The following ZNF599 variants were observed in gnomAD, a reference collection of about 807,000 sequenced individuals.
The protein encoded by ZNF599 is zinc finger protein 599.
Under a neutral mutation model 11.7 loss-of-function variants are expected in ZNF599, and 10 were observed. That is an observed-to-expected ratio of 0.86 (90% CI 0.53 to 1.45). ZNF599 has a LOEUF of 1.45. ZNF599 is among the 40% of genes most tolerant of loss of function. ZNF599 has a pLI of 0.00. For missense variants in ZNF599, 688 were observed against 713.6 expected (o/e 0.96, Z 0.41); for synonymous variants, 232 against 253.2 (o/e 0.92, Z 0.79).
At chr19:34,805,501 CT>C in the ZNF599 span, among the ~76,000 whole-genome samples, 1 of 152,098 alleles carries the variant, frequency 6.6e-6, no homozygotes, top group Non-Finnish European at 1.5e-5. Flanking sequence ...CAGCTGCTAC[CT>C]TTTTTTCTCT....
the ZNF599 span, among the ~76,000 whole-genome samples, chr19:34,789,466 C>T: frequency 6.6e-6 from 1 of 152,166 alleles, no homozygotes; most frequent in Non-Finnish European, 1.5e-5. Flanking sequence ...TTTACATTAC[C>T]ACCAACAGTA....
At chr19:34,762,283 TGA>T (rs2145452602) in intron 3 of ZNF599, among the ~76,000 whole-genome samples, 1 of 152,280 alleles carries the variant, frequency 6.6e-6, no homozygotes, top group South Asian at 2.1e-4. Flanking sequence ...AGGACCACAA[TGA>T]GATGCCCCAT....
intron 3 of ZNF599, among the ~76,000 whole-genome samples, 185 bp from the exon 4 acceptor site, chr19:34,760,744 G>T (rs1166567614): frequency 6.6e-6 from 1 of 152,122 alleles, no homozygotes; most frequent in African/African-American, 2.4e-5. Flanking sequence ...TCTTTAAAAG[G>T]AAACCCAGAA....
chr19:34,802,018 T>G, the ZNF599 span, among the ~76,000 whole-genome samples: 1 of 152,214 alleles, frequency 6.6e-6, no homozygotes, highest in East Asian at 1.9e-4. Context: ...CTCAGGGGGC[T>G]CTGACCTGTG....
the ZNF599 span, among the ~76,000 whole-genome samples, chr19:34,800,748 A>G: frequency 3.9e-5 from 6 of 151,946 alleles, no homozygotes; most frequent in African/African-American, 1.5e-4. Context: ...GGCGTGCACC[A>G]CTACGCCCTA....
intron 3 of ZNF599, chr19:34,765,677 T>C (rs1402386552): frequency 2.8e-6 from 2 of 702,712 alleles, no homozygotes; most frequent in Admixed American, 2.0e-5. Context: ...AATCAGTAAG[T>C]GTCAAAAAGC....
the ZNF599 span, among the ~76,000 whole-genome samples, chr19:34,793,238 T>G: frequency 6.6e-6 from 1 of 152,054 alleles, no homozygotes; most frequent in African/African-American, 2.4e-5. Context: ...CTCAAAAATG[T>G]TATTGTTCTC....
intron 3 of ZNF599, chr19:34,767,102 T>C: frequency 2.0e-6 from 1 of 502,566 alleles, no homozygotes; most frequent in South Asian, 3.1e-5. Context: ...TGGCAAATCA[T>C]TAAAGCCTAG....
At chr19:34,769,018 A>G (rs556763762) in intron 2 of ZNF599, among the ~76,000 whole-genome samples, 1 of 152,178 alleles carries the variant, frequency 6.6e-6, no homozygotes, top group Non-Finnish European at 1.5e-5. Context: ...TGTGTTGCTG[A>G]AAAAGATATA....
the ZNF599 span, among the ~76,000 whole-genome samples, chr19:34,800,912 T>G: frequency 2.0e-5 from 3 of 152,236 alleles, no homozygotes; most frequent in Non-Finnish European, 4.4e-5. Flanking sequence ...CATTTCCTTT[T>G]GATCTTCTCT....
chr19:34,804,251 T>C, the ZNF599 span, among the ~76,000 whole-genome samples: 1 of 152,242 alleles, frequency 6.6e-6, no homozygotes, highest in Non-Finnish European at 1.5e-5. Flanking sequence ...AAAGGCCCTG[T>C]CCTTGGTGCC....
At chr19:34,785,821 A>G in the ZNF599 span, among the ~76,000 whole-genome samples, 1 of 152,268 alleles carries the variant, frequency 6.6e-6, no homozygotes, top group East Asian at 1.9e-4. Context: ...CATTGGAACA[A>G]TATTTCCCAG....
At position 34,758,861 on chromosome 19, in the gene ZNF599, A is replaced by G; in HGVS notation, c.*173T>C. On this transcript the variant is annotated 3_prime_UTR_variant, in exon 4 of 4. Coordinates refer to ENST00000329285, the MANE Select transcript of ZNF599 (RefSeq NM_001007248.3). ...TTTGGATGACAAGTGATTACCTGCCATAAAAAGATTTCACAGGGACAATTC... is the reference window on the plus strand; with the variant it reads ...TTTGGATGACAAGTGATTACCTGCCGTAAAAAGATTTCACAGGGACAATTC... 1 of 643,030 alleles carries G rather than the reference A, an allele frequency of 1.6e-6. No individual in the cohort carries two copies. Among genetic ancestry groups the G allele is most frequent in the Non-Finnish European group, 2.6e-6 (1 of 383,568 alleles). The allele number at this position is 643,030 out of a possible 1,614,324, so 39.8% of individuals were successfully genotyped here. A position where few individuals can be genotyped will look rare whatever the true frequency, so the allele number is the denominator to read the frequency against.
At position 34,768,408 on chromosome 19, in the gene ZNF599, C is replaced by T. The variant is rs1055587035; in HGVS notation, c.146-997G>A. On this transcript the variant is annotated intron_variant, in intron 2 of 3. Transcript: ENST00000329285. ...ATTAATGACTCATCCCTCGTGAGGA[C>T]GCAGGACTGGGAGAGCCCTGTCGAT... Among the ~76,000 whole-genome samples the T allele has an allele frequency of 4.6e-5, 7 of 152,264 alleles. No homozygotes were observed. In the South Asian group the frequency reaches 6.2e-4, roughly 14 times the overall value.
chr19:34,759,968 G>A lies in ZNF599; in HGVS notation c.833C>T (p.Thr278Ile), dbSNP rs865820716. 1 of 1,614,178 alleles carries A rather than the reference G, an allele frequency of 6.2e-7. No individual in the cohort carries two copies. The highest frequency in any genetic ancestry group is 8.5e-7 in the Non-Finnish European group (1 of 1,180,044). Reference protein sequence around the residue: ...FHLTEHQRIHTGDKPYECKEC... With the variant: ...FHLTEHQRIHIGDKPYECKEC... The stretch of plus-strand genomic sequence containing the variant: ...TTTGCACTCATAGGGCTTATCTCCG[G>A]TGTGAATACGCTGGTGCTCCGTGAG... Residue 278 changes from threonine to isoleucine, a missense_variant, in exon 4 of 4, where the codon ACC (threonine) becomes ATC (isoleucine). Physicochemically the swap from Thr to Ile is moderately conservative, Grantham distance 89. Transcript: ENST00000329285.
chr19:34,789,248 A>G, the ZNF599 span, among the ~76,000 whole-genome samples: 8 of 152,020 alleles, frequency 5.3e-5, no homozygotes, highest in East Asian at 1.9e-4. Flanking sequence ...TCTTTACCCA[A>G]TCATATCTCG....
the ZNF599 span, among the ~76,000 whole-genome samples, chr19:34,793,023 C>T: frequency 3.9e-5 from 6 of 152,074 alleles, no homozygotes; most frequent in East Asian, 3.8e-4. Flanking sequence ...AGCACAGTGA[C>T]GCCTTTTGGG....
chr19:34,781,491 C>G, the ZNF599 span, among the ~76,000 whole-genome samples: 1 of 152,132 alleles, frequency 6.6e-6, no homozygotes, highest in African/African-American at 2.4e-5. Context: ...GAGAGAACAG[C>G]CCCATCACAA....
chr19:34,780,789 G>A, the ZNF599 span, among the ~76,000 whole-genome samples: 1 of 147,850 alleles, frequency 6.8e-6, no homozygotes, highest in East Asian at 2.0e-4. Flanking sequence ...AGAAGGAAGG[G>A]AGAGAAAGAG....
Sources: allele counts gnomAD v4.1 joint callset (sites outside exome capture counted in the v4.1 genomes callset), GRCh38; gene constraint gnomAD v4.1.1; transcripts MANE v1.5; gene names NCBI Gene and HGNC (gene_info 2026-07-23, HGNC 2026-07-21).